Variants in EYS observed in about 807,000 individuals in gnomAD.
EYS encodes the protein protein eyes shut homolog.
In EYS, 250 loss-of-function variants were observed where a neutral mutation model predicts 282.1. The ratio of observed to expected loss-of-function variants is 0.89; its 90% CI spans 0.80 to 0.98. EYS has a LOEUF of 0.98. Ranked by LOEUF, EYS falls within the 50% of genes least tolerant of loss-of-function variation. The pLI, the probability that EYS is intolerant of heterozygous loss-of-function variation, is 0.00. For missense variants in EYS, 4,016 were observed against 3,709.0 expected, an observed-to-expected ratio of 1.08 and a Z score of -2.15; for synonymous variants, 1,355 against 1,282.9, an observed-to-expected ratio of 1.06 and a Z score of -1.20.
At position 64,296,577 on chromosome 6, in the gene EYS, TATATATAC is replaced by T. The variant is rs1303221015; in HGVS notation, c.6191+10385_6191+10392del. Among the ~76,000 whole-genome samples, 58 of 8,238 alleles carry T rather than the reference TATATATAC, an allele frequency of 7.0e-3. 2 individuals are homozygous for T. Among genetic ancestry groups the T allele is most frequent in the African/African-American group, 0.016 (48 of 2,992 alleles). 5.4% of individuals were successfully genotyped at this position (8,238 alleles called of 152,430 possible). A position where few individuals can be genotyped will look rare whatever the true frequency, so the allele number is the denominator to read the frequency against. On this transcript the variant is annotated intron_variant, in intron 30 of 42. Transcript: ENST00000503581. ...ATATATATATATATATATATATATA[TATATATAC>T]ATATATATATATATTTTTTTTTTTT...
chr6:65,224,014 A>C (rs113757158), intron 12 of EYS, among the ~76,000 whole-genome samples: 1,632 of 152,270 alleles, frequency 0.011, 32 homozygotes, highest in African/African-American at 0.038. Flanking sequence ...GTTGGTAACC[A>C]GTGCACAATG....
intron 14 of EYS, among the ~76,000 whole-genome samples, chr6:64,983,135 G>A (rs16896135): frequency 0.011 from 1,619 of 151,118 alleles, 31 homozygotes; most frequent in African/African-American, 0.038. Context: ...TTCATATTAC[G>A]CATCATCTTT....
chr6:63,839,798 C>T (rs976519067), intron 36 of EYS, among the ~76,000 whole-genome samples: 16 of 152,164 alleles, frequency 1.1e-4, no homozygotes, highest in Non-Finnish European at 2.1e-4. Context: ...ACCCTCCACA[C>T]TGTTTTCCAC....
At chr6:65,463,944 A>T (rs1388843553) in intron 5 of EYS, among the ~76,000 whole-genome samples, 1 of 152,142 alleles carries the variant, frequency 6.6e-6, no homozygotes, top group African/African-American at 2.4e-5. Context: ...TAATTTTAAT[A>T]TATTGTGATA....
chr6:64,662,140 A>C (rs527936507), intron 22 of EYS, among the ~76,000 whole-genome samples: 167 of 149,668 alleles, frequency 1.1e-3, no homozygotes, highest in African/African-American at 3.7e-3. Context: ...AGGACAAAAA[A>C]CCAAACACCA....
chr6:64,022,761 C>T (rs1355043779), intron 33 of EYS, among the ~76,000 whole-genome samples: 3 of 152,222 alleles, frequency 2.0e-5, no homozygotes, highest in Non-Finnish European at 4.4e-5. Flanking sequence ...ACACCCATCA[C>T]TTATTTAGAG....
intron 1 of EYS, among the ~76,000 whole-genome samples, chr6:65,683,275 G>A (rs1172929407): frequency 1.3e-5 from 2 of 151,960 alleles, no homozygotes; most frequent in African/African-American, 4.8e-5. Flanking sequence ...ATAGTCTAAA[G>A]TCAAAATTAT....
chr6:65,397,705 C>G (rs1766340164), intron 7 of EYS, among the ~76,000 whole-genome samples: 1 of 151,054 alleles, frequency 6.6e-6, no homozygotes, highest in South Asian at 2.1e-4. Context: ...GTGAATTGTA[C>G]TGTGATAAAC....
chr6:65,443,332 A>ATGTG (rs1259651284), intron 5 of EYS, among the ~76,000 whole-genome samples: 1,509 of 126,946 alleles, frequency 0.012, 56 homozygotes, highest in African/African-American at 0.033. Flanking sequence ...ATATGCATAC[A>ATGTG]TGTATGTACA....
chr6:64,657,714 C>G (rs369416943), intron 22 of EYS, among the ~76,000 whole-genome samples: 2 of 152,138 alleles, frequency 1.3e-5, no homozygotes, highest in Non-Finnish European at 1.5e-5. Context: ...GAGTTTCTGC[C>G]GAGAGATCAG....
chr6:65,091,306 T>A (rs1191518701), intron 12 of EYS, among the ~76,000 whole-genome samples: 1 of 144,346 alleles, frequency 6.9e-6, no homozygotes, highest in African/African-American at 2.6e-5. Flanking sequence ...ACAGATTAGC[T>A]GGACATGGTG....
intron 33 of EYS, among the ~76,000 whole-genome samples, chr6:64,055,496 C>G (rs558236218): frequency 3.3e-5 from 5 of 152,168 alleles, no homozygotes; most frequent in Admixed American, 3.3e-4. Context: ...CCTCACTTCC[C>G]CACTCGCAGG....
At chr6:65,160,553 A>G (rs909085765) in intron 12 of EYS, among the ~76,000 whole-genome samples, 1 of 150,736 alleles carries the variant, frequency 6.6e-6, no homozygotes, top group Non-Finnish European at 1.5e-5. Context: ...CAACCACCCC[A>G]TTGAATTTTA....
At chr6:64,505,988 A>G (rs1777196346) in intron 26 of EYS, among the ~76,000 whole-genome samples, 3 of 152,172 alleles carry the variant, frequency 2.0e-5, no homozygotes, top group Non-Finnish European at 4.4e-5. Flanking sequence ...AAATCAGGAA[A>G]TGTGGTCCTT....
intron 33 of EYS, among the ~76,000 whole-genome samples, chr6:64,031,184 T>C (rs1310888828): frequency 6.6e-6 from 1 of 152,034 alleles, no homozygotes; most frequent in Non-Finnish European, 1.5e-5. Context: ...GAACCGGGGC[T>C]GCACATGCTG....
intron 24 of EYS, among the ~76,000 whole-genome samples, chr6:64,594,696 TG>T (rs1562082416): frequency 4.9e-5 from 3 of 61,684 alleles, no homozygotes; most frequent in Admixed American, 2.2e-4. Context: ...TGTTGTGGGG[TG>T]GGGGGAGGGG....
intron 30 of EYS, among the ~76,000 whole-genome samples, chr6:64,243,677 C>T (rs766263939): frequency 4.6e-5 from 7 of 152,256 alleles, no homozygotes; most frequent in Non-Finnish European, 8.8e-5. Context: ...TTGGTGGATC[C>T]AGCCAGCTTC....
At chr6:64,735,123 G>T (rs974053220) in intron 22 of EYS, among the ~76,000 whole-genome samples, 2 of 151,880 alleles carry the variant, frequency 1.3e-5, no homozygotes, top group Admixed American at 1.3e-4. Flanking sequence ...ATGCTCTGTC[G>T]CCCAGGCTGT....
chr6:65,101,501 A>G (rs751273254), intron 12 of EYS, among the ~76,000 whole-genome samples: 1 of 151,310 alleles, frequency 6.6e-6, no homozygotes, highest in South Asian at 2.1e-4. Flanking sequence ...AAAAACATGA[A>G]TTTTGTTTAC....
Sources: gnomAD v4.1 joint callset for allele counts (sites outside exome capture counted in the v4.1 genomes callset) on GRCh38, gnomAD v4.1.1 for gene constraint, MANE v1.5 for transcripts, NCBI Gene and HGNC (gene_info 2026-07-23, HGNC 2026-07-21) for gene names.